MAST2: variants seen among roughly 807,000 people sequenced by gnomAD.
The protein encoded by MAST2 is microtubule associated serine/threonine kinase 2, also known as microtubule-associated serine/threonine-protein kinase 2.
MAST2 carries 70 observed loss-of-function variants against 147.4 expected under a neutral mutation model. The ratio of observed to expected loss-of-function variants is 0.47; its 90% CI spans 0.39 to 0.58. MAST2 has a LOEUF of 0.58. MAST2 is among the 20% of genes least tolerant of loss of function. MAST2 has a pLI of 0.00. For synonymous variants in MAST2, 869 were observed against 896.8 expected, an observed-to-expected ratio of 0.97 and a Z score of 0.55; for missense variants, 2,080 against 2,302.3, an observed-to-expected ratio of 0.90 and a Z score of 1.98.
intron 5 of MAST2, among the ~76,000 whole-genome samples, chr1:45,988,695 T>C (rs541468057): frequency 5.0e-4 from 76 of 152,330 alleles, no homozygotes; most frequent in African/African-American, 1.8e-3. Flanking sequence ...AATAGGTATT[T>C]ATTATCTAGA....
intron 5 of MAST2, among the ~76,000 whole-genome samples, chr1:45,964,252 C>T (rs925944073): frequency 9.9e-5 from 15 of 152,070 alleles, no homozygotes; most frequent in African/African-American, 9.7e-5. Context: ...GGGAGGATTC[C>T]GTCTTTTTCT....
At chr1:46,002,244 T>C (rs1645303288) in intron 6 of MAST2, among the ~76,000 whole-genome samples, 1 of 152,222 alleles carries the variant, frequency 6.6e-6, no homozygotes, top group Non-Finnish European at 1.5e-5. Flanking sequence ...ATAAAGTTAC[T>C]GTCACTCTTC....
chr1:45,922,389 TC>T (rs1653655264), intron 4 of MAST2, among the ~76,000 whole-genome samples: 1 of 152,194 alleles, frequency 6.6e-6, no homozygotes, highest in South Asian at 2.1e-4. Context: ...ACCAGGCTGT[TC>T]ATGCTAAGGG....
chr1:45,845,220 A>G (rs1645393635), intron 3 of MAST2, among the ~76,000 whole-genome samples: 1 of 152,212 alleles, frequency 6.6e-6, no homozygotes. Context: ...GTAAGGTGTC[A>G]TATATGTCAA....
intron 2 of MAST2, among the ~76,000 whole-genome samples, chr1:45,825,247 G>C (rs1039524115): frequency 2.0e-5 from 3 of 151,994 alleles, no homozygotes; most frequent in African/African-American, 7.2e-5. Flanking sequence ...GGATGGTCTC[G>C]ATCTCCTGAG....
At chr1:45,975,554 G>A (rs573727286) in intron 5 of MAST2, among the ~76,000 whole-genome samples, 101 of 143,460 alleles carry the variant, frequency 7.0e-4, no homozygotes, top group Middle Eastern at 7.6e-3. Flanking sequence ...TGTAGTCCCA[G>A]CTGCTCAGTA....
chr1:45,880,262 T>C (rs571715176), intron 3 of MAST2, among the ~76,000 whole-genome samples: 10 of 152,348 alleles, frequency 6.6e-5, no homozygotes, highest in Admixed American at 2.0e-4. Flanking sequence ...TGGATAAATC[T>C]CACAAATACT....
intron 15 of MAST2, among the ~76,000 whole-genome samples, chr1:46,025,310 C>G (rs1318293663): frequency 1.4e-5 from 2 of 146,634 alleles, no homozygotes; most frequent in Admixed American, 6.8e-5. Context: ...CAGAGCAAGA[C>G]TTTGCCTCAA....
chr1:45,921,065 G>A (rs567129061), intron 4 of MAST2, among the ~76,000 whole-genome samples: 6 of 152,214 alleles, frequency 3.9e-5, no homozygotes, highest in Admixed American at 3.9e-4. Flanking sequence ...GCGCAATCTC[G>A]GCTCACTGCA....
chr1:45,981,363 T>C (rs937274491), intron 5 of MAST2, among the ~76,000 whole-genome samples: 2 of 149,480 alleles, frequency 1.3e-5, no homozygotes, highest in African/African-American at 4.9e-5. Context: ...TGAGCCACTG[T>C]ACCTGGCTGA....
intron 1 of MAST2, among the ~76,000 whole-genome samples, chr1:45,822,746 C>T (rs137897470): frequency 2.3e-4 from 35 of 151,730 alleles, no homozygotes; most frequent in African/African-American, 8.5e-4. Context: ...GTGCTTGTCA[C>T]CTTTGTGAGT....
intron 1 of MAST2, among the ~76,000 whole-genome samples, chr1:45,807,983 C>G (rs1644189501): frequency 6.6e-6 from 1 of 152,188 alleles, no homozygotes; most frequent in South Asian, 2.1e-4. Flanking sequence ...AAGAGCCCAG[C>G]TGATCAGCAA....
chr1:46,029,544 AC>A lies in MAST2; in HGVS notation c.2300del (p.Pro767LeufsTer13), dbSNP rs781242798. 6.2e-7 allele frequency: 1 copy of A among 1,613,922 alleles called. No individual in the cohort carries two copies. Among genetic ancestry groups the A allele is most frequent in the African/African-American group, 1.3e-5 (1 of 74,898 alleles). Reference protein sequence around the residue: ...QDLTSKLLHQNPLERLGTGSA... With the variant: ...QDLTSKLLHQXPLERLGTGSA... ...CTCACCTCCAAACTGCTCCACCAGA[AC>A]CCTCTGGAGAGACTTGGCACAGGTA... On this transcript the variant is annotated frameshift_variant, in exon 19 of 29. Transcript: ENST00000361297. LOFTEE classifies it high-confidence loss of function.
At chr1:45,815,271 G>C (rs767418813) in intron 1 of MAST2, among the ~76,000 whole-genome samples, 1 of 151,450 alleles carries the variant, frequency 6.6e-6, no homozygotes, top group Non-Finnish European at 1.5e-5. Context: ...CCAGGTTCAA[G>C]TGATTCTCCT....
chr1:45,831,657 C>T (rs911769513), intron 3 of MAST2, among the ~76,000 whole-genome samples: 2 of 151,958 alleles, frequency 1.3e-5, no homozygotes, highest in Non-Finnish European at 2.9e-5. Flanking sequence ...GTATTTTTTT[C>T]CCGAAGCATT....
intron 3 of MAST2, among the ~76,000 whole-genome samples, chr1:45,837,356 G>T (rs2147875848): frequency 6.6e-6 from 1 of 152,318 alleles, no homozygotes; most frequent in East Asian, 1.9e-4. Context: ...AATTTCATAG[G>T]AATGGAATCA....
chr1:46,033,790 T>TCTG lies in MAST2; in HGVS notation c.3538-9_3538-7dup. ...CTCCAGCTTAGCCTAGGCCTCATGC[T>TCTG]CTGCTCCCCAGAGTGGAAACAAGGT... On this transcript the variant is annotated splice_polypyrimidine_tract_variant and intron_variant, in intron 26 of 28. Transcript: ENST00000361297. 6.2e-7 allele frequency: 1 copy of TCTG among 1,613,768 alleles called. No individual in the cohort carries two copies. The highest frequency in any genetic ancestry group is 8.5e-7 in the Non-Finnish European group (1 of 1,179,716).
intron 4 of MAST2, among the ~76,000 whole-genome samples, chr1:45,930,516 T>A (rs1290349067): frequency 6.6e-6 from 1 of 152,126 alleles, no homozygotes; most frequent in East Asian, 1.9e-4. Context: ...TTCAACTGCA[T>A]ACTAGGCCCT....
chr1:45,993,971 C>T (rs1429197607), intron 5 of MAST2, among the ~76,000 whole-genome samples: 1 of 152,112 alleles, frequency 6.6e-6, no homozygotes, highest in Non-Finnish European at 1.5e-5. Flanking sequence ...AAATCAGGTC[C>T]GGCCAAAGAA....
Sources: allele counts gnomAD v4.1 joint callset (sites outside exome capture counted in the v4.1 genomes callset), GRCh38; gene constraint gnomAD v4.1.1; transcripts MANE v1.5; gene names NCBI Gene and HGNC (gene_info 2026-07-23, HGNC 2026-07-21).